The following UGT2B7 variants were observed in gnomAD, a reference collection of about 807,000 sequenced individuals.
UGT2B7 encodes UDP-glucuronosyltransferase 2B7.
A neutral mutation model predicts 51.9 loss-of-function variants in UGT2B7; 51 were observed. The observed-to-expected ratio is 0.98, with a 90% CI of 0.78 to 1.24. The LOEUF (loss-of-function observed/expected upper bound fraction) is 1.24, where lower values mean the gene tolerates loss of function less well. UGT2B7 is among the 50% of genes most tolerant of loss of function. UGT2B7 has a pLI of 0.00. For synonymous variants in UGT2B7, 225 were observed against 211.6 expected, an observed-to-expected ratio of 1.06 and a Z score of -0.55; for missense variants, 727 against 628.4, an observed-to-expected ratio of 1.16 and a Z score of -1.68.
chr4:69,088,863 G>A (rs780433114), intron 1 of UGT2B7, among the ~76,000 whole-genome samples: 9 of 152,056 alleles, frequency 5.9e-5, no homozygotes, highest in Non-Finnish European at 1.2e-4. Context: ...TGAAGAAACT[G>A]AACATTCACT....
chr4:69,078,249 C>T (rs1284053211), intron 1 of UGT2B7, among the ~76,000 whole-genome samples: 1 of 152,056 alleles, frequency 6.6e-6, no homozygotes, highest in Non-Finnish European at 1.5e-5. Context: ...GCATATTCGC[C>T]TGAAATTTTC....
intron 1 of UGT2B7, among the ~76,000 whole-genome samples, chr4:69,081,055 G>C (rs1560504118): frequency 6.6e-6 from 1 of 152,134 alleles, no homozygotes; most frequent in Non-Finnish European, 1.5e-5. Flanking sequence ...CTCCAAGGAA[G>C]TTATAATTAT....
intron 5 of UGT2B7, among the ~76,000 whole-genome samples, chr4:69,110,890 T>C (rs1228621162): frequency 6.6e-6 from 1 of 152,206 alleles, no homozygotes; most frequent in Non-Finnish European, 1.5e-5. Flanking sequence ...TCTTTTGTAT[T>C]TAATATTTAA....
At chr4:69,110,392 G>A (rs1381836381) in intron 5 of UGT2B7, among the ~76,000 whole-genome samples, 2 of 151,964 alleles carry the variant, frequency 1.3e-5, no homozygotes, top group African/African-American at 4.8e-5. Flanking sequence ...TCACAACTAT[G>A]TCTCCACTTT....
At chr4:69,112,250 C>T (rs1004757675) in intron 5 of UGT2B7, among the ~76,000 whole-genome samples, 5 of 152,126 alleles carry the variant, frequency 3.3e-5, no homozygotes, top group East Asian at 1.9e-4. Context: ...CTTGCTCAAT[C>T]GATCATGACC....
At chr4:69,088,125 T>C (rs1719002313) in intron 1 of UGT2B7, among the ~76,000 whole-genome samples, 1 of 152,034 alleles carries the variant, frequency 6.6e-6, no homozygotes, top group Non-Finnish European at 1.5e-5. Flanking sequence ...TAATTTTAAT[T>C]ATTTCTCTTT....
At chr4:69,066,294 A>G (rs574874686) in intron 1 of UGT2B7, 3 of 152,044 alleles carry the variant, frequency 2.0e-5, no homozygotes, top group African/African-American at 4.8e-5. Context: ...CCCATTAGTG[A>G]TTTTTTCTTC....
In UGT2B7 at chr4:69,099,137, A is replaced by T. The variant is rs186206661; in HGVS notation, c.870+449A>T. ...ATATAAAAACTATTATCTGAAGGAA[A>T]AACGCAATACCAAGAAAGCATCAGT... On this transcript the variant is annotated intron_variant, in intron 2 of 5. Coordinates refer to ENST00000305231, the MANE Select transcript of UGT2B7 (RefSeq NM_001074.4). Among the ~76,000 whole-genome samples the T allele has an allele frequency of 1.4e-3, 218 of 152,078 alleles. 2 individuals carry two copies. The highest frequency in any genetic ancestry group is 5.0e-3 in the African/African-American group (206 of 41,534).
intron 1 of UGT2B7, among the ~76,000 whole-genome samples, chr4:69,060,469 C>G (rs1334680508): frequency 6.6e-6 from 1 of 152,186 alleles, no homozygotes; most frequent in African/African-American, 2.4e-5. Flanking sequence ...GGAGGCTGAC[C>G]AGGAGAAGGC....
At chr4:69,085,905 ATC>A (rs1351810588) in intron 1 of UGT2B7, among the ~76,000 whole-genome samples, 3 of 151,650 alleles carry the variant, frequency 2.0e-5, no homozygotes, top group African/African-American at 7.2e-5. Context: ...TATTTGAGTC[ATC>A]TCTTTTTGTA....
chr4:69,086,087 GTTGT>G (rs1171166005), intron 1 of UGT2B7, among the ~76,000 whole-genome samples: 3 of 151,370 alleles, frequency 2.0e-5, no homozygotes, highest in Admixed American at 6.6e-5. Flanking sequence ...GGTACTATAG[GTTGT>G]TTATTTAAGA....
chr4:69,055,696 G>A (rs1475293786), intron 1 of UGT2B7, among the ~76,000 whole-genome samples: 1 of 152,188 alleles, frequency 6.6e-6, no homozygotes, highest in Non-Finnish European at 1.5e-5. Context: ...GGAGATCAAT[G>A]GCCATGGGAA....
chr4:69,092,962 GAA>G (rs57058697), upstream of UGT2B7, among the ~76,000 whole-genome samples: 29,157 of 131,456 alleles, frequency 0.22, 2,934 homozygotes, highest in South Asian at 0.31. Context: ...CCCCACCCCA[GAA>G]AAAAAAAAAA....
intron 2 of UGT2B7, among the ~76,000 whole-genome samples, chr4:69,099,155 G>A (rs1291728528): frequency 6.6e-6 from 1 of 150,620 alleles, no homozygotes; most frequent in African/African-American, 2.4e-5. Context: ...TACCAAGAAA[G>A]CATCAGTGGA....
intron 1 of UGT2B7, among the ~76,000 whole-genome samples, chr4:69,077,578 C>T (rs972436666): frequency 4.0e-5 from 6 of 148,862 alleles, no homozygotes; most frequent in Non-Finnish European, 8.9e-5. Context: ...TGATTTGGCT[C>T]TCTTTTTTTT....
chr4:69,083,418 C>T (rs923851759), intron 1 of UGT2B7, among the ~76,000 whole-genome samples: 2 of 151,928 alleles, frequency 1.3e-5, no homozygotes, highest in Non-Finnish European at 2.9e-5. Flanking sequence ...AGAAACATTT[C>T]TATTTGAAAT....
intron 2 of UGT2B7, among the ~76,000 whole-genome samples, chr4:69,101,095 A>G (rs533615433): frequency 8.5e-5 from 13 of 152,200 alleles, no homozygotes; most frequent in Non-Finnish European, 1.9e-4. Flanking sequence ...GCATTACAAT[A>G]ATTTTATCAA....
chr4:69,111,811 C>T (rs138702123), intron 5 of UGT2B7, among the ~76,000 whole-genome samples: 1 of 152,298 alleles, frequency 6.6e-6, no homozygotes, highest in East Asian at 1.9e-4. Context: ...AAATATTTCT[C>T]AATGAGAGAA....
chr4:69,072,700 G>A (rs1302811844), intron 1 of UGT2B7, among the ~76,000 whole-genome samples: 1 of 151,934 alleles, frequency 6.6e-6, no homozygotes, highest in Non-Finnish European at 1.5e-5. Context: ...GTGTCTTCTG[G>A]CATCTACCAC....
Sources: allele counts gnomAD v4.1 joint callset (sites outside exome capture counted in the v4.1 genomes callset), GRCh38; gene constraint gnomAD v4.1.1; transcripts MANE v1.5; gene names NCBI Gene and HGNC (gene_info 2026-07-23, HGNC 2026-07-21).